The following PCDH15 variants were observed in gnomAD, a reference collection of about 807,000 sequenced individuals.
The protein encoded by PCDH15 is protocadherin related 15, also known as protocadherin-15.
PCDH15 carries 129 observed loss-of-function variants against 178.5 expected under a neutral mutation model. The ratio of observed to expected loss-of-function variants is 0.72; its 90% CI spans 0.63 to 0.84. PCDH15 has a LOEUF of 0.84. Ranked by LOEUF, PCDH15 falls within the 40% of genes least tolerant of loss-of-function variation. The pLI is 0.00. For synonymous variants in PCDH15, 800 were observed against 732.0 expected (o/e 1.09, Z -1.50); for missense variants, 2,230 against 2,099.9 (o/e 1.06, Z -1.21).
At chr10:54,954,784 T>C (rs1838438886) in intron 2 of PCDH15, among the ~76,000 whole-genome samples, 2 of 151,310 alleles carry the variant, frequency 1.3e-5, no homozygotes, top group Non-Finnish European at 3.0e-5. Flanking sequence ...TATTAAAGTT[T>C]GTTGGGACTA....
intron 1 of PCDH15, among the ~76,000 whole-genome samples, chr10:55,203,067 A>G (rs1840299918): frequency 6.6e-6 from 1 of 152,164 alleles, no homozygotes. Flanking sequence ...GATAAAAATC[A>G]GTCTTATCAT....
At chr10:55,411,895 T>A (rs549091645) in intron 2 of PCDH15, among the ~76,000 whole-genome samples, 46 of 152,086 alleles carry the variant, frequency 3.0e-4, no homozygotes, top group African/African-American at 1.1e-3. Context: ...ACAAGATAAA[T>A]TAAGATAGAC....
chr10:54,334,744 A>G (rs1185013701), intron 6 of PCDH15, among the ~76,000 whole-genome samples: 1 of 152,096 alleles, frequency 6.6e-6, no homozygotes, highest in African/African-American at 2.4e-5. Context: ...TGACCTAAAG[A>G]CAGAGACTTA....
chr10:54,732,564 G>C (rs1335103362), intron 1 of PCDH15, among the ~76,000 whole-genome samples: 1 of 151,350 alleles, frequency 6.6e-6, no homozygotes, highest in Non-Finnish European at 1.5e-5. Flanking sequence ...TTCCAACAAA[G>C]AAAAATTTTG....
rs2082682328 is a variant in PCDH15 at position 54,520,080 on chromosome 10, TTA to T, written c.157+7730_157+7731del. On this transcript the variant is annotated intron_variant, in intron 3 of 37. Transcript: ENST00000644397. ...AATTAATTCAAGATGGATTAAAGAC[TTA>T]TATGTTACACTTAAAGCCATAAAAA... Among the ~76,000 whole-genome samples, 7 of 152,312 alleles carry T rather than the reference TTA, an allele frequency of 4.6e-5. No homozygotes were observed. The South Asian group carries it at 1.2e-3, about 27-fold the overall frequency.
At chr10:55,136,931 A>G (rs1172612545) in intron 2 of PCDH15, among the ~76,000 whole-genome samples, 3 of 152,154 alleles carry the variant, frequency 2.0e-5, no homozygotes, top group Non-Finnish European at 4.4e-5. Context: ...ACGCAGAAAA[A>G]TATCAGCAGG....
intron 3 of PCDH15, among the ~76,000 whole-genome samples, chr10:54,484,187 G>GA (rs1227187041): frequency 6.6e-6 from 1 of 151,842 alleles, no homozygotes; most frequent in Non-Finnish European, 1.5e-5. Context: ...TTTGTGAAGA[G>GA]AAAAAATATA....
At chr10:53,960,781 A>C (rs977337568) in intron 22 of PCDH15, among the ~76,000 whole-genome samples, 2 of 152,214 alleles carry the variant, frequency 1.3e-5, no homozygotes, top group East Asian at 3.8e-4. Context: ...CGGTAAAATC[A>C]TGAGAGACAT....
At chr10:55,497,894 C>T (rs1430380372) in intron 2 of PCDH15, among the ~76,000 whole-genome samples, 1 of 151,862 alleles carries the variant, frequency 6.6e-6, no homozygotes, top group Non-Finnish European at 1.5e-5. Context: ...GAACTCTCTT[C>T]AAATTCTATC....
chr10:55,283,782 ATAG>A (rs1842795708), intron 1 of PCDH15, among the ~76,000 whole-genome samples: 1 of 151,944 alleles, frequency 6.6e-6, no homozygotes, highest in Non-Finnish European at 1.5e-5. Context: ...TTGCCTTCTA[ATAG>A]TCTGTCAAAT....
At chr10:54,384,211 G>T (rs779133823) in intron 3 of PCDH15, among the ~76,000 whole-genome samples, 1 of 152,026 alleles carries the variant, frequency 6.6e-6, no homozygotes, top group Non-Finnish European at 1.5e-5. Context: ...TGATGAAAAA[G>T]CTCAACCTCT....
intron 5 of PCDH15, among the ~76,000 whole-genome samples, chr10:54,363,747 CAT>C (rs1298834278): frequency 6.6e-6 from 1 of 152,044 alleles, no homozygotes; most frequent in Non-Finnish European, 1.5e-5. Context: ...TGTGATTATC[CAT>C]ATCTCTACCA....
chr10:54,448,353 T>C (rs566731373), intron 3 of PCDH15, among the ~76,000 whole-genome samples: 1 of 151,820 alleles, frequency 6.6e-6, no homozygotes, highest in African/African-American at 2.4e-5. Context: ...TTCTAGAGAA[T>C]CCATTAATCA....
intron 1 of PCDH15, among the ~76,000 whole-genome samples, chr10:55,174,400 G>T (rs540538368): frequency 2.0e-5 from 3 of 152,244 alleles, no homozygotes; most frequent in African/African-American, 7.2e-5. Flanking sequence ...CTCTAGATTT[G>T]CTTATAATTC....
At chr10:54,984,931 A>C (rs1463422225) in intron 2 of PCDH15, among the ~76,000 whole-genome samples, 1 of 152,090 alleles carries the variant, frequency 6.6e-6, no homozygotes. Context: ...TGAAACTTTG[A>C]TTAAGTAATT....
intron 1 of PCDH15, among the ~76,000 whole-genome samples, chr10:54,686,505 G>A (rs543685544): frequency 7.3e-4 from 111 of 152,178 alleles, no homozygotes; most frequent in African/African-American, 2.5e-3. Flanking sequence ...ACATCATGAA[G>A]CTTTTCCCTC....
At chr10:54,185,067 A>G in intron 12 of PCDH15, 67 bp downstream of exon 12, 2 of 1,568,228 alleles carry the variant, frequency 1.3e-6, no homozygotes, top group Non-Finnish European at 1.8e-6. Flanking sequence ...CATCTCTTTC[A>G]GTTCCATACA....
intron 3 of PCDH15, among the ~76,000 whole-genome samples, chr10:54,511,771 T>G (rs994698577): frequency 6.6e-6 from 1 of 152,192 alleles, no homozygotes; most frequent in Non-Finnish European, 1.5e-5. Context: ...AAATTTTCTC[T>G]ATACATTTTT....
chr10:53,900,206 ACTTT>A (rs768491809), intron 26 of PCDH15, among the ~76,000 whole-genome samples: 1 of 78,984 alleles, frequency 1.3e-5, no homozygotes, highest in Non-Finnish European at 2.3e-5. Context: ...CTCTCTCTAA[ACTTT>A]CTCTCTCTCT....
Sources: gnomAD v4.1 joint callset for allele counts (sites outside exome capture counted in the v4.1 genomes callset) on GRCh38, gnomAD v4.1.1 for gene constraint, MANE v1.5 for transcripts, NCBI Gene and HGNC (gene_info 2026-07-23, HGNC 2026-07-21) for gene names.